The following DRGX variants were observed in gnomAD, a reference collection of about 807,000 sequenced individuals.
DRGX encodes dorsal root ganglia homeobox protein.
Under a neutral mutation model 28.6 loss-of-function variants are expected in DRGX, and 21 were observed. The observed-to-expected ratio is 0.73, with a 90% CI of 0.52 to 1.06. The LOEUF is 1.06. Ranked by LOEUF, DRGX falls within the 50% of genes least tolerant of loss-of-function variation. The pLI, the probability that DRGX is intolerant of heterozygous loss-of-function variation, is 0.00. For missense variants in DRGX, 354 were observed against 343.9 expected, an observed-to-expected ratio of 1.03 and a Z score of -0.23; for synonymous variants, 136 against 139.1, an observed-to-expected ratio of 0.98 and a Z score of 0.16.
intron 3 of DRGX, among the ~76,000 whole-genome samples, 164 bp downstream of exon 3, chr10:49,391,000 T>C (rs1849897122): frequency 6.6e-6 from 1 of 152,180 alleles, no homozygotes; most frequent in African/African-American, 2.4e-5. Flanking sequence ...TCTGCATGCC[T>C]CCTAAATTTT....
chr10:49,390,622 G>T (rs554549630), intron 3 of DRGX, among the ~76,000 whole-genome samples: 3 of 152,292 alleles, frequency 2.0e-5, no homozygotes, highest in Non-Finnish European at 2.9e-5. Flanking sequence ...AAGCCTCATG[G>T]TGTCATCCCA....
chr10:49,385,918 C>A (rs1055565881), intron 6 of DRGX, among the ~76,000 whole-genome samples: 1 of 152,108 alleles, frequency 6.6e-6, no homozygotes, highest in African/African-American at 2.4e-5. Flanking sequence ...GCTCAGAAAT[C>A]CCAAGGGCCA....
chr10:49,395,292 G>A, intron 2 of DRGX, 115 bp downstream of exon 2: 1 of 1,336,898 alleles, frequency 7.5e-7, no homozygotes, highest in Middle Eastern at 2.2e-4. Context: ...TCACCGGCAG[G>A]CGGCTGCGCC....
At chr10:49,373,758 T>G (rs1470549174) in intron 6 of DRGX, among the ~76,000 whole-genome samples, 1 of 152,228 alleles carries the variant, frequency 6.6e-6, no homozygotes, top group Non-Finnish European at 1.5e-5. Context: ...GTTTACGGTA[T>G]TTAGTTATAG....
intron 6 of DRGX, among the ~76,000 whole-genome samples, chr10:49,383,684 G>A (rs1355926089): frequency 3.9e-5 from 6 of 152,210 alleles, no homozygotes; most frequent in South Asian, 2.1e-4. Flanking sequence ...CCATGAGGGC[G>A]GAGCTCTCGT....
chr10:49,365,910 C>T lies in DRGX; in HGVS notation c.*206G>A. On this transcript the variant is annotated 3_prime_UTR_variant, in exon 7 of 7. Transcript: ENST00000374139. ...CCATCGGGATCTGTTGCCAAAGAAG[C>T]CAGGACAACACTGCCGCACTGGTGG... 1 of 470,576 alleles carries T rather than the reference C, an allele frequency of 2.1e-6. No homozygotes were observed. Among genetic ancestry groups the T allele is most frequent in the Non-Finnish European group, 3.5e-6 (1 of 288,974 alleles). 29.2% of individuals were successfully genotyped at this position (470,576 alleles called of 1,614,324 possible). A position where few individuals can be genotyped will look rare whatever the true frequency, so the allele number is the denominator to read the frequency against.
Position 49,386,524 on chromosome 10 carries a change from G to A in DRGX, c.480C>T (p.Asn160=), listed in dbSNP as rs767136941. ...FPSCLPGTLL[N]TATYAQALSH... is the part of the protein sequence containing the mutation. ...ACAAGGCCTGGGCGTAGGTGGCCGT[G>A]TTCAGGAGAGTCCCCGGCAAGCAGG... Residue 160 remains asparagine, a synonymous_variant, in exon 6 of 7, where the codon AAC becomes AAT. Transcript: ENST00000374139. 5 of 1,589,416 alleles carry A rather than the reference G, an allele frequency of 3.1e-6. No individual in the cohort carries two copies. The East Asian group carries it at 1.2e-4, about 37-fold the overall frequency.
intron 6 of DRGX, among the ~76,000 whole-genome samples, chr10:49,378,935 G>A (rs1447613213): frequency 6.6e-6 from 1 of 152,092 alleles, no homozygotes; most frequent in African/African-American, 2.4e-5. Context: ...TATATGTGAA[G>A]TTCAAAAAAG....
intron 4 of DRGX, among the ~76,000 whole-genome samples, chr10:49,387,876 T>C (rs1849857522): frequency 6.6e-6 from 1 of 152,176 alleles, no homozygotes; most frequent in Non-Finnish European, 1.5e-5. Flanking sequence ...AGGTGGTAAA[T>C]GGCAGATCCA....
At chr10:49,382,407 G>A (rs961714654) in intron 6 of DRGX, among the ~76,000 whole-genome samples, 1 of 152,322 alleles carries the variant, frequency 6.6e-6, no homozygotes, top group Non-Finnish European at 1.5e-5. Context: ...CCCCTAGGAA[G>A]CAGGGTTCAG....
At chr10:49,390,784 C>G (rs1328390423) in intron 3 of DRGX, among the ~76,000 whole-genome samples, 2 of 150,572 alleles carry the variant, frequency 1.3e-5, no homozygotes, top group Non-Finnish European at 3.0e-5. Flanking sequence ...GCAACTATAC[C>G]TTATCCAAGT....
At chr10:49,383,898 T>C (rs1849804095) in intron 6 of DRGX, among the ~76,000 whole-genome samples, 1 of 152,272 alleles carries the variant, frequency 6.6e-6, no homozygotes, top group Admixed American at 6.5e-5. Flanking sequence ...CACTGTGTTA[T>C]AGCAGCCTGA....
intron 4 of DRGX, among the ~76,000 whole-genome samples, chr10:49,389,199 C>T (rs753685809): frequency 6.6e-6 from 1 of 152,160 alleles, no homozygotes; most frequent in Admixed American, 6.5e-5. Context: ...ATCACATAAT[C>T]TGATTATAGG....
chr10:49,386,535 TC>T lies in DRGX; in HGVS notation c.468del (p.Thr157LeufsTer3). On this transcript the variant is annotated frameshift_variant, in exon 6 of 7. Transcript: ENST00000374139. LOFTEE classifies it high-confidence loss of function. The part of the protein sequence containing the change: ...AGPFFPSCLP[G>X]TLLNTATYAQ... Reference sequence around the variant, plus strand: ...GCGTAGGTGGCCGTGTTCAGGAGAGTCCCCGGCAAGCAGGAGGGGAAGAAAG... The same window carrying T: ...GCGTAGGTGGCCGTGTTCAGGAGAGTCCCGGCAAGCAGGAGGGGAAGAAAG... The T allele has an allele frequency of 6.3e-7, 1 of 1,588,568 alleles. No homozygotes were observed. Among genetic ancestry groups the T allele is most frequent in the South Asian group, 1.1e-5 (1 of 87,176 alleles).
intron 2 of DRGX, among the ~76,000 whole-genome samples, chr10:49,394,145 G>T (rs1442401562): frequency 6.6e-6 from 1 of 152,290 alleles, no homozygotes; most frequent in Middle Eastern, 3.4e-3. Context: ...GGAACTTGGG[G>T]ATAAAATGTG....
At chr10:49,377,389 G>A (rs991839991) in intron 6 of DRGX, among the ~76,000 whole-genome samples, 1 of 152,214 alleles carries the variant, frequency 6.6e-6, no homozygotes, top group African/African-American at 2.4e-5. Flanking sequence ...CTTGATACCT[G>A]TGGCAGTTAG....
chr10:49,382,191 G>A (rs1849783447), intron 6 of DRGX, among the ~76,000 whole-genome samples: 1 of 152,214 alleles, frequency 6.6e-6, no homozygotes, highest in Non-Finnish European at 1.5e-5. Context: ...AGTGGTGTCT[G>A]GTAGTGCCAG....
intron 3 of DRGX, among the ~76,000 whole-genome samples, 152 bp downstream of exon 3, chr10:49,391,012 A>G (rs991253385): frequency 3.9e-5 from 6 of 152,170 alleles, no homozygotes; most frequent in African/African-American, 1.4e-4. Context: ...CTAAATTTTG[A>G]TTCCATGGCA....
intron 6 of DRGX, among the ~76,000 whole-genome samples, chr10:49,376,285 C>A (rs1369409224): frequency 6.6e-6 from 1 of 152,196 alleles, no homozygotes. Context: ...ATCAGCTAGG[C>A]ATGGAGGAGC....
Sources: allele counts gnomAD v4.1 joint callset (sites outside exome capture counted in the v4.1 genomes callset), GRCh38; gene constraint gnomAD v4.1.1; transcripts MANE v1.5; gene names NCBI Gene and HGNC (gene_info 2026-07-23, HGNC 2026-07-21).